The following KIFC3 variants were observed in gnomAD, a reference collection of about 807,000 sequenced individuals.
The protein encoded by KIFC3 is kinesin-like protein KIFC3.
KIFC3 carries 60 observed loss-of-function variants against 101.8 expected under a neutral mutation model. That is an observed-to-expected ratio of 0.59 (90% confidence interval 0.48 to 0.73). KIFC3 has a LOEUF of 0.73. KIFC3 is among the 30% of genes least tolerant of loss of function. The pLI, the probability that KIFC3 is intolerant of heterozygous loss-of-function variation, is 0.00. For synonymous variants in KIFC3, 476 were observed against 482.7 expected, an observed-to-expected ratio of 0.99 and a Z score of 0.18; for missense variants, 966 against 1,137.1, an observed-to-expected ratio of 0.85 and a Z score of 2.16.
At chr16:57,797,382 C>G (rs920154722) in intron 2 of KIFC3, among the ~76,000 whole-genome samples, 1 of 152,224 alleles carries the variant, frequency 6.6e-6, no homozygotes, top group Non-Finnish European at 1.5e-5. Flanking sequence ...TGGACAGCTC[C>G]GCGGCCCCGC....
rs144317579 is a variant in KIFC3 at position 57,836,183 on chromosome 16, G to A, written c.108+26546C>T. Among the ~76,000 whole-genome samples, 726 of 152,282 alleles carry A rather than the reference G, an allele frequency of 4.8e-3. 4 individuals are homozygous for A. Among genetic ancestry groups the A allele is most frequent in the African/African-American group, 0.017 (698 of 41,564 alleles). On this transcript the variant is annotated intron_variant, in intron 1 of 2. Coordinates refer to the KIFC3 transcript ENST00000563028. ...GCCAGAATGCAGTAGCAAGATCATG[G>A]GCTCACTGCAGCCTTGACCTTCCTG...
rs547737997 is a variant in KIFC3 at position 57,765,068 on chromosome 16, A to G, written c.1512+391T>C. On this transcript the variant is annotated intron_variant, in intron 11 of 19. Coordinates refer to ENST00000445690, the MANE Select transcript of KIFC3 (RefSeq NM_001130100.2). Reference sequence around the variant, plus strand: ...GGTGGGAGGGGCTGTGGGTGAGGCCATGTGGTGGAAGGGGCTGTGGATATA... The same window carrying G: ...GGTGGGAGGGGCTGTGGGTGAGGCCGTGTGGTGGAAGGGGCTGTGGATATA... Among the ~76,000 whole-genome samples, 47 of 145,674 alleles carry G rather than the reference A, an allele frequency of 3.2e-4. No homozygotes were observed. In the South Asian group the frequency reaches 0.01, roughly 31 times the overall value.
At position 57,818,331 on chromosome 16, in the gene KIFC3, C is replaced by T. The variant is rs556845473; in HGVS notation, c.109-20049G>A. ...GGAAACAGTGGGTTCCATTAATTAACGTATCCATGGTCATATAGCTAACAA... is the reference window on the plus strand; with the variant it reads ...GGAAACAGTGGGTTCCATTAATTAATGTATCCATGGTCATATAGCTAACAA... On this transcript the variant is annotated intron_variant, in intron 1 of 2. Coordinates refer to the KIFC3 transcript ENST00000563028. Among the ~76,000 whole-genome samples, 7 of 152,218 alleles carry T rather than the reference C, an allele frequency of 4.6e-5. No homozygotes were observed. In the South Asian group the frequency reaches 6.2e-4, roughly 14 times the overall value.
intron 3 of KIFC3, among the ~76,000 whole-genome samples, chr16:57,790,078 C>CTTTTT (rs782291808): frequency 7.4e-5 from 7 of 94,086 alleles, no homozygotes; most frequent in African/African-American, 2.1e-4. Context: ...TTCTTTCTTT[C>CTTTTT]TTTTTTTTTT....
chr16:57,779,700 G>C (rs1394113182), intron 3 of KIFC3, among the ~76,000 whole-genome samples: 1 of 152,134 alleles, frequency 6.6e-6, no homozygotes, highest in Non-Finnish European at 1.5e-5. Context: ...TGTAGTCCCA[G>C]CTATGCGGGA....
At chr16:57,814,736 G>A (rs1301601687) in intron 1 of KIFC3, among the ~76,000 whole-genome samples, 5 of 151,722 alleles carry the variant, frequency 3.3e-5, no homozygotes, top group Admixed American at 1.3e-4. Context: ...AGCAATTCTC[G>A]TGTCTCAGCG....
At chr16:57,800,720 T>TCCCGAAGAGGA (rs1235462714) in intron 1 of KIFC3, among the ~76,000 whole-genome samples, 1 of 152,118 alleles carries the variant, frequency 6.6e-6, no homozygotes, top group African/African-American at 2.4e-5. Context: ...GTGTGCTAGA[T>TCCCGAAGAGGA]CCCGAAGAGG....
chr16:57,782,080 G>C, intron 3 of KIFC3: 1 of 985,476 alleles, frequency 1.0e-6, no homozygotes, highest in Non-Finnish European at 1.2e-6. Context: ...TTCCAGGAAA[G>C]TCCAAGTCTG....
At chr16:57,854,265 G>GA (rs1416167287) in intron 1 of KIFC3, among the ~76,000 whole-genome samples, 3 of 151,958 alleles carry the variant, frequency 2.0e-5, no homozygotes, top group Non-Finnish European at 4.4e-5. Context: ...TTGAATTTTT[G>GA]AAAAAACTCA....
intron 1 of KIFC3, among the ~76,000 whole-genome samples, chr16:57,826,934 G>A (rs1596803769): frequency 6.6e-6 from 1 of 152,184 alleles, no homozygotes; most frequent in East Asian, 1.9e-4. Context: ...TGCTGCGCTG[G>A]GACACTGGGG....
Position 57,760,707 on chromosome 16 carries a change from C to T in KIFC3, c.2232+19G>A, listed in dbSNP as rs575300161. ...CCCTACATGCTAGGGACTGGCCCGC[C>T]CTAACCCAAGGTCCTCACCTGTACC... On this transcript the variant is annotated intron_variant, in intron 16 of 19. Coordinates refer to ENST00000445690, the MANE Select transcript of KIFC3 (RefSeq NM_001130100.2). 6 of 1,608,134 alleles carry T rather than the reference C, an allele frequency of 3.7e-6. No homozygotes were observed. In the African/African-American group the frequency reaches 4.0e-5, roughly 11 times the overall value.
upstream of KIFC3, among the ~76,000 whole-genome samples, chr16:57,804,563 G>T (rs2054889268): frequency 6.6e-6 from 1 of 152,196 alleles, no homozygotes; most frequent in Non-Finnish European, 1.5e-5. Flanking sequence ...GCAAAACTCC[G>T]ATTTGAAACG....
intron 1 of KIFC3, among the ~76,000 whole-genome samples, chr16:57,835,502 C>T (rs1555480182): frequency 6.6e-6 from 1 of 152,172 alleles, no homozygotes. Flanking sequence ...GTACTTATTA[C>T]ATATTAGCAT....
At chr16:57,775,777 C>A in intron 3 of KIFC3, 2 of 985,668 alleles carry the variant, frequency 2.0e-6, no homozygotes, top group Non-Finnish European at 2.4e-6. Context: ...GAGGAGAAAG[C>A]AGACTCCCCA....
chr16:57,792,785 G>A (rs1555620868), intron 3 of KIFC3, among the ~76,000 whole-genome samples: 2 of 146,554 alleles, frequency 1.4e-5, no homozygotes, highest in Non-Finnish European at 3.0e-5. Context: ...TCAGGAGGCT[G>A]AGGTGAGATG....
chr16:57,828,489 A>C (rs1335472530), intron 1 of KIFC3, among the ~76,000 whole-genome samples: 4 of 152,220 alleles, frequency 2.6e-5, no homozygotes, highest in Non-Finnish European at 4.4e-5. Flanking sequence ...AGAGCTTGCC[A>C]AGGAGAGCTG....
At chr16:57,839,308 G>C (rs1271251671) in intron 1 of KIFC3, among the ~76,000 whole-genome samples, 10 of 152,200 alleles carry the variant, frequency 6.6e-5, no homozygotes, top group Non-Finnish European at 1.5e-4. Flanking sequence ...GGGAGGCCAA[G>C]GCGGGAGGAT....
chr16:57,788,690 G>A (rs1555618905), intron 3 of KIFC3: 2 of 1,289,580 alleles, frequency 1.6e-6, no homozygotes, highest in East Asian at 5.5e-5. Flanking sequence ...TCTGGCTCTT[G>A]CACCCCTTGT....
upstream of KIFC3, chr16:57,803,032 C>A (rs782300755): frequency 1.3e-6 from 2 of 1,535,882 alleles, no homozygotes; most frequent in South Asian, 1.2e-5. Context: ...CTGTTTACAG[C>A]GCACACGCTC....
Sources: gnomAD v4.1 joint callset for allele counts (sites outside exome capture counted in the v4.1 genomes callset) on GRCh38, gnomAD v4.1.1 for gene constraint, MANE v1.5 for transcripts, NCBI Gene and HGNC (gene_info 2026-07-23, HGNC 2026-07-21) for gene names.